SYNGR1: variants seen among roughly 807,000 people sequenced by gnomAD.
SYNGR1 encodes synaptogyrin-1.
SYNGR1 carries 14 observed loss-of-function variants against 26.1 expected under a neutral mutation model. The observed-to-expected ratio is 0.54, with a 90% CI of 0.35 to 0.84. The LOEUF (loss-of-function observed/expected upper bound fraction) is 0.84. Among genes scored for constraint, SYNGR1 ranks in the 40% least tolerant of loss-of-function variants. The pLI is 0.01. For synonymous variants in SYNGR1, 141 were observed against 150.1 expected (o/e 0.94, Z 0.44); for missense variants, 319 against 332.9 (o/e 0.96, Z 0.33).
At chr22:39,362,598 A>G (rs1007013643) in intron 1 of SYNGR1, among the ~76,000 whole-genome samples, 1 of 152,192 alleles carries the variant, frequency 6.6e-6, no homozygotes, top group African/African-American at 2.4e-5. Flanking sequence ...GGCCCTTGGC[A>G]GCCTGACTCA....
At position 39,351,843 on chromosome 22, in the gene SYNGR1, G is replaced by T. The variant is rs772475941; in HGVS notation, c.99+1734G>T. On this transcript the variant is annotated intron_variant, in intron 1 of 3. Coordinates refer to ENST00000328933, the MANE Select transcript of SYNGR1 (RefSeq NM_004711.5). The stretch of plus-strand genomic sequence containing the variant: ...GCAGAGGCCGCAAGAGCCAGGAGAG[G>T]GGTCTCCCTGCTGTGGAATCAAATT... Among the ~76,000 whole-genome samples, 8 of 152,246 alleles carry T rather than the reference G, an allele frequency of 5.3e-5. No individual in the cohort carries two copies. The South Asian group carries it at 1.0e-3, about 20-fold the overall frequency.
At position 39,383,064 on chromosome 22, in the gene SYNGR1, C is replaced by G. The variant is rs1197222740; in HGVS notation, c.*1150C>G. On this transcript the variant is annotated 3_prime_UTR_variant, in exon 4 of 4. Transcript: ENST00000328933. ...CAGCTGCCCAGCAGGTGCCTCGATT[C>G]CCTGCCCTTGTGACCTCCCAGGAAA... is the stretch of plus-strand genomic sequence containing the variant. 1 of 152,318 alleles carries G rather than the reference C, an allele frequency of 6.6e-6. No homozygotes were observed. Among genetic ancestry groups the G allele is most frequent in the East Asian group, 1.9e-4 (1 of 5,200 alleles). The allele number at this position is 152,318 out of a possible 1,614,324, so 9.4% of individuals were successfully genotyped here. A position where few individuals can be genotyped will look rare whatever the true frequency, so the allele number is the denominator to read the frequency against.
At chr22:39,377,731 C>T (rs1255267808) in intron 3 of SYNGR1, 1 of 1,605,616 alleles carries the variant, frequency 6.2e-7, no homozygotes. Context: ...TGTATCACCC[C>T]TGGCAGTGAG....
At chr22:39,380,072 C>T (rs1350446443) in intron 3 of SYNGR1, 1 of 151,780 alleles carries the variant, frequency 6.6e-6, no homozygotes, top group Non-Finnish European at 1.5e-5. Flanking sequence ...GTGTCATTGT[C>T]CTTAATAACA....
intron 3 of SYNGR1, chr22:39,378,016 C>A (rs1254520714): frequency 3.3e-6 from 4 of 1,204,590 alleles, no homozygotes; most frequent in Non-Finnish European, 4.2e-6. Context: ...AAATGGACAG[C>A]CGTGGACAGT....
chr22:39,363,860 G>C (rs759528995), intron 1 of SYNGR1, among the ~76,000 whole-genome samples: 5 of 152,130 alleles, frequency 3.3e-5, no homozygotes, highest in Non-Finnish European at 7.4e-5. Context: ...CGAGGTAGAC[G>C]GTTCCATTTG....
chr22:39,370,819 C>T (rs1211973240), intron 1 of SYNGR1, among the ~76,000 whole-genome samples: 2 of 151,986 alleles, frequency 1.3e-5, no homozygotes, highest in African/African-American at 4.8e-5. Flanking sequence ...CAGGGTTTCA[C>T]CGTGTTGGCC....
At chr22:39,367,577 C>T (rs1397518460) in intron 1 of SYNGR1, among the ~76,000 whole-genome samples, 1 of 152,154 alleles carries the variant, frequency 6.6e-6, no homozygotes, top group Non-Finnish European at 1.5e-5. Flanking sequence ...AACCCCAGCA[C>T]TTTGGGAGGC....
rs111613012 is a variant in SYNGR1, at chr22:39,378,283, A to G, written c.483+2086A>G. ...CACTTACCTGAACTGAGGGGTGATAATGGACCAACCTCTCAAGGCTGTTGT... is the reference window on the plus strand; with the variant it reads ...CACTTACCTGAACTGAGGGGTGATAGTGGACCAACCTCTCAAGGCTGTTGT... On this transcript the variant is annotated intron_variant, in intron 3 of 3. Transcript: ENST00000328933. The G allele has an allele frequency of 7.8e-4, 759 of 976,976 alleles. 4 individuals are homozygous for G. The African/African-American group carries it at 9.8e-3, about 13-fold the overall frequency. The allele number at this position is 976,976 out of a possible 1,614,324, so 60.5% of individuals were successfully genotyped here. A position where few individuals can be genotyped will look rare whatever the true frequency, so the allele number is the denominator to read the frequency against.
chr22:39,357,403 G>A lies in SYNGR1; in HGVS notation c.99+7294G>A, dbSNP rs577461754. 3.9e-5 allele frequency among the ~76,000 whole-genome samples: 6 copies of A among 152,296 alleles called. No homozygotes were observed. In the East Asian group the frequency reaches 5.8e-4, roughly 15 times the overall value. On this transcript the variant is annotated intron_variant, in intron 1 of 3. Coordinates refer to ENST00000328933, the MANE Select transcript of SYNGR1 (RefSeq NM_004711.5). ...GTCCTCACAGCCCTCACTTGCTCTC[G>A]GCTCCTCCTCTGCCTGGGCTCCTAC... is the stretch of plus-strand genomic sequence containing the variant.
chr22:39,376,732 G>A (rs1044110447), intron 3 of SYNGR1, among the ~76,000 whole-genome samples: 2 of 152,074 alleles, frequency 1.3e-5, no homozygotes, highest in African/African-American at 4.8e-5. Context: ...AGAGCCGTGA[G>A]CAGGCCGGGT....
At chr22:39,380,990 A>G (rs1292975197) in intron 3 of SYNGR1, among the ~76,000 whole-genome samples, 1 of 152,002 alleles carries the variant, frequency 6.6e-6, no homozygotes, top group Non-Finnish European at 1.5e-5. Context: ...TTAACTCAAC[A>G]TAGTCAATAT....
At chr22:39,372,142 T>G (rs1925052005) in intron 1 of SYNGR1, among the ~76,000 whole-genome samples, 1 of 140,496 alleles carries the variant, frequency 7.1e-6, no homozygotes. Context: ...TTTTTTTTTT[T>G]TTTTTTGAGA....
chr22:39,378,548 A>G (rs953158933), intron 3 of SYNGR1, among the ~76,000 whole-genome samples: 1 of 152,158 alleles, frequency 6.6e-6, no homozygotes, highest in African/African-American at 2.4e-5. Flanking sequence ...GCAGGAACTC[A>G]CCCATTCCTC....
At chr22:39,369,788 G>A (rs902734287) in intron 1 of SYNGR1, among the ~76,000 whole-genome samples, 1 of 152,182 alleles carries the variant, frequency 6.6e-6, no homozygotes, top group African/African-American at 2.4e-5. Flanking sequence ...TGCCCTCACG[G>A]GTCTGAAGTC....
intron 2 of SYNGR1, chr22:39,375,781 G>A: frequency 1.6e-6 from 1 of 609,430 alleles, no homozygotes. Flanking sequence ...CCCTCTCACT[G>A]CCCGTGGCTC....
At chr22:39,369,187 A>T (rs1924906808) in intron 1 of SYNGR1, among the ~76,000 whole-genome samples, 1 of 152,252 alleles carries the variant, frequency 6.6e-6, no homozygotes, top group South Asian at 2.1e-4. Flanking sequence ...CCAACCTGAC[A>T]GTTTTCTGGT....
chr22:39,357,894 G>C (rs965979104), intron 1 of SYNGR1, among the ~76,000 whole-genome samples: 31 of 152,254 alleles, frequency 2.0e-4, no homozygotes, highest in Admixed American at 2.0e-3. Flanking sequence ...CACTCCATGG[G>C]CTCCTGTGCG....
chr22:39,381,777 A>T lies in SYNGR1; in HGVS notation c.565A>T (p.Ser189Cys). 6.2e-7 allele frequency: 1 copy of T among 1,612,884 alleles called. No homozygotes were observed. Among genetic ancestry groups the T allele is most frequent in the Middle Eastern group, 1.6e-4 (1 of 6,062 alleles). The change falls in exon 4 of 4, where the codon AGC becomes TGC. Residue 189 changes from serine to cysteine, a missense_variant. Coordinates refer to ENST00000328933, the MANE Select transcript of SYNGR1 (RefSeq NM_004711.5). ...ALFSQDYMDP[S>C]QDSSMPYAPY... ...CTTCTCCCAGGACTACATGGACCCC[A>T]GCCAGGACTCCAGCATGCCTTACGC...
Sources: allele counts gnomAD v4.1 joint callset (sites outside exome capture counted in the v4.1 genomes callset), GRCh38; gene constraint gnomAD v4.1.1; transcripts MANE v1.5; gene names NCBI Gene and HGNC (gene_info 2026-07-23, HGNC 2026-07-21).